The following GALNT17 variants were observed in gnomAD, a reference collection of about 807,000 sequenced individuals.
GALNT17 encodes UDP-GalNAc:polypeptide N-acetylgalactosaminyltransferase-like 3.
A neutral mutation model predicts 63.7 loss-of-function variants in GALNT17; 29 were observed. The ratio of observed to expected loss-of-function variants is 0.46; its 90% CI spans 0.34 to 0.62. The LOEUF (loss-of-function observed/expected upper bound fraction) is 0.62, where lower values mean the gene tolerates loss of function less well. Among genes scored for constraint, GALNT17 ranks in the 20% least tolerant of loss-of-function variants. The probability of loss-of-function intolerance (pLI) is 0.01; values close to 1 mark genes in which losing one functional copy is unlikely to be tolerated. For synonymous variants in GALNT17, 305 were observed against 318.3 expected, an observed-to-expected ratio of 0.96 and a Z score of 0.45; for missense variants, 603 against 799.6, an observed-to-expected ratio of 0.75 and a Z score of 2.97.
intron 5 of GALNT17, among the ~76,000 whole-genome samples, chr7:71,511,382 G>C (rs1336060164): frequency 2.6e-5 from 4 of 152,206 alleles, no homozygotes; most frequent in Non-Finnish European, 4.4e-5. Flanking sequence ...AGCAGATCCT[G>C]CAAGCAACCC....
chr7:71,283,295 C>T (rs73354300), intron 1 of GALNT17, among the ~76,000 whole-genome samples: 5,416 of 152,120 alleles, frequency 0.036, 342 homozygotes, highest in African/African-American at 0.12. Flanking sequence ...CTTGCTTCAG[C>T]GCTTGGATTA....
chr7:71,338,894 C>A (rs534015069), intron 2 of GALNT17, among the ~76,000 whole-genome samples: 43 of 152,216 alleles, frequency 2.8e-4, no homozygotes, highest in African/African-American at 9.9e-4. Context: ...AGCTGAGAAA[C>A]CTGTTAAATC....
intron 3 of GALNT17, among the ~76,000 whole-genome samples, chr7:71,393,557 T>C (rs1183467716): frequency 6.6e-6 from 1 of 152,024 alleles, no homozygotes; most frequent in Non-Finnish European, 1.5e-5. Flanking sequence ...TGCCCCCCTT[T>C]TTTTTTTATT....
At chr7:71,549,818 A>G (rs948694992) in intron 5 of GALNT17, among the ~76,000 whole-genome samples, 1 of 151,990 alleles carries the variant, frequency 6.6e-6, no homozygotes, top group African/African-American at 2.4e-5. Flanking sequence ...CTGGGAATGC[A>G]GAAGAGGAGG....
At chr7:71,593,585 C>T (rs1274264116) in intron 6 of GALNT17, among the ~76,000 whole-genome samples, 1 of 152,072 alleles carries the variant, frequency 6.6e-6, no homozygotes. Context: ...TTGACTCTCA[C>T]CCTTGAAGCT....
intron 1 of GALNT17, among the ~76,000 whole-genome samples, chr7:71,150,036 T>C (rs1788101433): frequency 6.6e-6 from 1 of 152,144 alleles, no homozygotes; most frequent in African/African-American, 2.4e-5. Context: ...AGGCACACGC[T>C]TCTCGGAAGC....
At chr7:71,218,826 C>T (rs984747196) in intron 1 of GALNT17, among the ~76,000 whole-genome samples, 6 of 152,006 alleles carry the variant, frequency 3.9e-5, no homozygotes, top group Non-Finnish European at 8.8e-5. Context: ...CACCGTCTCC[C>T]ATCACCCCCA....
chr7:71,429,241 G>T (rs1257337823), intron 5 of GALNT17, among the ~76,000 whole-genome samples: 1 of 152,194 alleles, frequency 6.6e-6, no homozygotes, highest in African/African-American at 2.4e-5. Flanking sequence ...AAGGGGTGGG[G>T]ACTGATTGGG....
chr7:71,352,634 G>A (rs1218224331), intron 2 of GALNT17, among the ~76,000 whole-genome samples: 1 of 152,158 alleles, frequency 6.6e-6, no homozygotes, highest in Non-Finnish European at 1.5e-5. Flanking sequence ...TAGGGGTTGG[G>A]AGATAGACCT....
At chr7:71,473,524 T>C (rs1373683030) in intron 5 of GALNT17, among the ~76,000 whole-genome samples, 1 of 152,234 alleles carries the variant, frequency 6.6e-6, no homozygotes, top group East Asian at 1.9e-4. Context: ...GGTATCTTAC[T>C]GCCACAGTGA....
At chr7:71,631,313 C>T (rs1221641551) in intron 6 of GALNT17, among the ~76,000 whole-genome samples, 1 of 151,882 alleles carries the variant, frequency 6.6e-6, no homozygotes, top group Non-Finnish European at 1.5e-5. Context: ...CCATTTCTAC[C>T]TCCTGAGTAG....
chr7:71,506,269 TTTATTTA>T (rs890061203), intron 5 of GALNT17, among the ~76,000 whole-genome samples: 1 of 75,978 alleles, frequency 1.3e-5, no homozygotes. Context: ...TTTATTTTAT[TTTATTTA>T]TTTATTTTGA....
chr7:71,548,453 G>C (rs1789022829), intron 5 of GALNT17, among the ~76,000 whole-genome samples: 1 of 152,164 alleles, frequency 6.6e-6, no homozygotes, highest in Admixed American at 6.6e-5. Flanking sequence ...GAGGAAACTG[G>C]CTGGCCTTAG....
intron 6 of GALNT17, among the ~76,000 whole-genome samples, chr7:71,622,117 G>T (rs1790303262): frequency 6.6e-6 from 1 of 152,176 alleles, no homozygotes; most frequent in South Asian, 2.1e-4. Context: ...AGGACCACAG[G>T]CTGCATAGCT....
chr7:71,568,942 T>C (rs1047132425), intron 5 of GALNT17, among the ~76,000 whole-genome samples: 1 of 152,140 alleles, frequency 6.6e-6, no homozygotes, highest in Non-Finnish European at 1.5e-5. Flanking sequence ...GCATGTGTGG[T>C]ATTGTCTCAC....
At chr7:71,154,686 C>T (rs1426145721) in intron 1 of GALNT17, among the ~76,000 whole-genome samples, 3 of 152,096 alleles carry the variant, frequency 2.0e-5, no homozygotes, top group African/African-American at 7.2e-5. Flanking sequence ...ACGCCATTCT[C>T]CTGCCTCAGC....
chr7:71,612,007 C>A (rs183647922), intron 6 of GALNT17, among the ~76,000 whole-genome samples: 1 of 152,308 alleles, frequency 6.6e-6, no homozygotes, highest in African/African-American at 2.4e-5. Context: ...TTGGTGCCAT[C>A]TCTTGGTTGA....
chr7:71,560,241 G>A (rs905132170), intron 5 of GALNT17, among the ~76,000 whole-genome samples: 7 of 150,980 alleles, frequency 4.6e-5, no homozygotes, highest in Non-Finnish European at 1.0e-4. Flanking sequence ...TTGTCCTAAG[G>A]TAGCAGCAGA....
chr7:71,175,770 G>A (rs1042787539), intron 1 of GALNT17, among the ~76,000 whole-genome samples: 3 of 152,134 alleles, frequency 2.0e-5, no homozygotes, highest in Non-Finnish European at 4.4e-5. Flanking sequence ...GCATGGTGGT[G>A]CACGCCTGTA....
Sources: gnomAD v4.1 joint callset for allele counts (sites outside exome capture counted in the v4.1 genomes callset) on GRCh38, gnomAD v4.1.1 for gene constraint, MANE v1.5 for transcripts, NCBI Gene and HGNC (gene_info 2026-07-23, HGNC 2026-07-21) for gene names.